The following NDRG1 variants were observed in gnomAD, a reference collection of about 807,000 sequenced individuals.
NDRG1 encodes the protein protein NDRG1.
In NDRG1, 32 loss-of-function variants were observed where a neutral mutation model predicts 56.9. The ratio of observed to expected loss-of-function variants is 0.56; its 90% confidence interval spans 0.42 to 0.76. The LOEUF is 0.76. Ranked by LOEUF, NDRG1 falls within the 30% of genes least tolerant of loss-of-function variation. The pLI, the probability that NDRG1 is intolerant of heterozygous loss-of-function variation, is 0.00. For missense variants in NDRG1, 507 were observed against 545.7 expected, an observed-to-expected ratio of 0.93 and a Z score of 0.71; for synonymous variants, 211 against 204.1, an observed-to-expected ratio of 1.03 and a Z score of -0.29.
intron 1 of NDRG1, chr8:133,296,585 C>A: frequency 2.2e-6 from 1 of 455,860 alleles, no homozygotes; most frequent in Non-Finnish European, 4.4e-6. Context: ...ACCCAGTCTG[C>A]AAGCCAGACA....
intron 3 of NDRG1, among the ~76,000 whole-genome samples, chr8:133,277,775 C>T (rs1857537976): frequency 6.6e-6 from 1 of 152,132 alleles, no homozygotes. Context: ...TGATGTTTGG[C>T]CCGGCACTGA....
intron 9 of NDRG1, among the ~76,000 whole-genome samples, chr8:133,254,076 CA>C (rs34461027): frequency 0.57 from 73,797 of 128,562 alleles, 19,840 homozygotes; most frequent in African/African-American, 0.75. Context: ...GAAGCCAGAC[CA>C]AAAAAAAAAA....
At chr8:133,293,574 A>G (rs1274837825) in intron 1 of NDRG1, among the ~76,000 whole-genome samples, 1 of 152,196 alleles carries the variant, frequency 6.6e-6, no homozygotes, top group Non-Finnish European at 1.5e-5. Context: ...ACTATAGCAA[A>G]CAAGAGCTAT....
rs376509107 is a variant in NDRG1 at position 133,287,168 on chromosome 8, A to C, written c.-18-2839T>G. ...ATGTAAGGAAGTTCAACATATAAAAATGTTAAAAAATAAAAATTTTAAAAT... is the reference window on the plus strand; with the variant it reads ...ATGTAAGGAAGTTCAACATATAAAACTGTTAAAAAATAAAAATTTTAAAAT... On this transcript the variant is annotated intron_variant, in intron 1 of 15. Coordinates refer to ENST00000323851, the MANE Select transcript of NDRG1 (RefSeq NM_006096.4). Among the ~76,000 whole-genome samples, 28 of 152,358 alleles carry C rather than the reference A, an allele frequency of 1.8e-4. No homozygotes were observed. The East Asian group carries it at 4.8e-3, about 26-fold the overall frequency.
intron 8 of NDRG1, 30 bp downstream of exon 8, chr8:133,256,747 T>A: frequency 6.2e-7 from 1 of 1,609,940 alleles, no homozygotes; most frequent in East Asian, 2.2e-5. Context: ...CTTGCAGGGA[T>A]CCCGCCGGCC....
At chr8:133,278,011 A>G (rs1857555764) in intron 3 of NDRG1, among the ~76,000 whole-genome samples, 1 of 152,180 alleles carries the variant, frequency 6.6e-6, no homozygotes, top group Non-Finnish European at 1.5e-5. Flanking sequence ...TCCCCACTGC[A>G]GGAAGATACA....
chr8:133,244,747 T>C (rs984568361), intron 13 of NDRG1: 5 of 441,964 alleles, frequency 1.1e-5, no homozygotes, highest in African/African-American at 2.0e-5. Context: ...CAGGCCAGGA[T>C]CTCTCTGACC....
intron 10 of NDRG1, among the ~76,000 whole-genome samples, chr8:133,249,883 G>A (rs1233408863): frequency 6.6e-6 from 1 of 152,204 alleles, no homozygotes; most frequent in Non-Finnish European, 1.5e-5. Flanking sequence ...TCAGCAGGTT[G>A]AGCGAGCTCC....
chr8:133,241,109 CA>C (rs1855356677), intron 15 of NDRG1: 1 of 152,162 alleles, frequency 6.6e-6, no homozygotes. Context: ...TATACATGGG[CA>C]AACAGTTTAA....
intron 11 of NDRG1, 45 bp downstream of exon 11, chr8:133,248,670 G>A (rs1241368354): frequency 1.9e-6 from 3 of 1,608,420 alleles, no homozygotes; most frequent in Non-Finnish European, 2.6e-6. Flanking sequence ...CCTTTATAGT[G>A]GGCAGCCCCG....
At chr8:133,267,303 G>A (rs1185938723) in intron 3 of NDRG1, among the ~76,000 whole-genome samples, 1 of 152,208 alleles carries the variant, frequency 6.6e-6, no homozygotes, top group Non-Finnish European at 1.5e-5. Context: ...ATGGCACAGG[G>A]ACGCAGCAGT....
At chr8:133,267,168 C>G (rs936739793) in intron 3 of NDRG1, among the ~76,000 whole-genome samples, 12 of 152,202 alleles carry the variant, frequency 7.9e-5, no homozygotes, top group Non-Finnish European at 1.8e-4. Context: ...GGACCAATCT[C>G]TCACCTGCCA....
At chr8:133,294,679 G>A (rs1171413694) in intron 1 of NDRG1, among the ~76,000 whole-genome samples, 1 of 151,862 alleles carries the variant, frequency 6.6e-6, no homozygotes, top group Non-Finnish European at 1.5e-5. Context: ...CATGGGGGGG[G>A]GGCAGCCCCA....
intron 3 of NDRG1, among the ~76,000 whole-genome samples, chr8:133,277,716 C>G (rs1857533458): frequency 6.6e-6 from 1 of 152,118 alleles, no homozygotes; most frequent in Admixed American, 6.5e-5. Flanking sequence ...TCCACAACAG[C>G]AAAAATAATT....
rs569862078 is a variant in NDRG1 at position 133,258,515 on chromosome 8, C to T, written c.390-89G>A. 4 of 1,309,032 alleles carry T rather than the reference C, an allele frequency of 3.1e-6. No homozygotes were observed. In the East Asian group the frequency reaches 7.4e-5, roughly 24 times the overall value. 81.1% of individuals were successfully genotyped at this position (1,309,032 alleles called of 1,614,324 possible). A position where few individuals can be genotyped will look rare whatever the true frequency, so the allele number is the denominator to read the frequency against. On this transcript the variant is annotated intron_variant, in intron 6 of 15. Transcript: ENST00000323851. ...ACTTAGAACTTCCTGAGGGTGACCGCCTGGCTAGGCAATGCGGGAGCATGC... is the reference window on the plus strand; with the variant it reads ...ACTTAGAACTTCCTGAGGGTGACCGTCTGGCTAGGCAATGCGGGAGCATGC...
chr8:133,250,768 G>A, intron 9 of NDRG1, among the ~76,000 whole-genome samples: 1 of 152,002 alleles, frequency 6.6e-6, no homozygotes, highest in Non-Finnish European at 1.5e-5. Context: ...CCCCCATCCT[G>A]GAAAGGCCAC....
intron 14 of NDRG1, among the ~76,000 whole-genome samples, chr8:133,242,595 T>C (rs954758017): frequency 6.6e-6 from 1 of 152,138 alleles, no homozygotes; most frequent in African/African-American, 2.4e-5. Flanking sequence ...CCCAGGGCTC[T>C]CCAAACCTAA....
chr8:133,262,102 C>A lies in NDRG1; in HGVS notation c.271G>T (p.Val91Phe), dbSNP rs781433633. 1 of 1,614,048 alleles carries A rather than the reference C, an allele frequency of 6.2e-7. No individual in the cohort carries two copies. The highest frequency in any genetic ancestry group is 1.3e-5 in the African/African-American group (1 of 75,022). The change falls in exon 5 of 16, where the codon GTC becomes TTC. Residue 91 changes from valine (V) to phenylalanine (F), a missense_variant. Transcript: ENST00000323851. ...TGGCCAGGGGCGTCCACGTGGCAGA[C>A]GGCAAAGTGCTGGGTGATCTCCTGC... Reference protein sequence around the residue: ...DMQEITQHFAVCHVDAPGQQD... With the variant: ...DMQEITQHFAFCHVDAPGQQD...
chr8:133,258,483 A>G, intron 6 of NDRG1, 57 bp from the exon 7 acceptor site: 1 of 1,557,528 alleles, frequency 6.4e-7, no homozygotes, highest in Non-Finnish European at 8.7e-7. Context: ...GGAGCCTCCA[A>G]GGACCCACTT....
Sources: gnomAD v4.1 joint callset for allele counts (sites outside exome capture counted in the v4.1 genomes callset) on GRCh38, gnomAD v4.1.1 for gene constraint, MANE v1.5 for transcripts, NCBI Gene and HGNC (gene_info 2026-07-23, HGNC 2026-07-21) for gene names.